Variants in WTIP observed in about 807,000 individuals in gnomAD.
WTIP encodes WT1 interacting protein, also known as Wilms tumor protein 1-interacting protein.
A neutral mutation model predicts 41.7 loss-of-function variants in WTIP; 23 were observed. The observed-to-expected ratio is 0.55, with a 90% CI of 0.40 to 0.78. The LOEUF (loss-of-function observed/expected upper bound fraction) is 0.78. Ranked by LOEUF, WTIP falls within the 30% of genes least tolerant of loss-of-function variation. The pLI is 0.00. For missense variants in WTIP, 619 were observed against 610.5 expected (o/e 1.01, Z -0.15); for synonymous variants, 314 against 269.9 (o/e 1.16, Z -1.60).
At chr19:34,486,129 C>T (rs1464494457) in intron 1 of WTIP, among the ~76,000 whole-genome samples, 1 of 151,918 alleles carries the variant, frequency 6.6e-6, no homozygotes, top group Non-Finnish European at 1.5e-5. Flanking sequence ...CACCGTTTTC[C>T]CTTCACTCTA....
chr19:34,507,715 C>G lies in WTIP; in HGVS notation c.*7446C>G, dbSNP rs1211588909. On this transcript the variant is annotated 3_prime_UTR_variant, in exon 8 of 8. Transcript: ENST00000590071. ...AGGGAGTGAGTCATTGCATTATAGA[C>G]TTGGACTAGGTGGATGCTATTTTTC... is the stretch of plus-strand genomic sequence containing the variant. 1 of 152,258 alleles carries G rather than the reference C, an allele frequency of 6.6e-6. No individual in the cohort carries two copies. The highest frequency in any genetic ancestry group is 2.4e-5 in the African/African-American group (1 of 41,418). The allele number at this position is 152,258 out of a possible 1,614,324, so 9.4% of individuals were successfully genotyped here. A position where few individuals can be genotyped will look rare whatever the true frequency, so the allele number is the denominator to read the frequency against.
chr19:34,484,302 G>A (rs2075786467), intron 1 of WTIP, among the ~76,000 whole-genome samples: 1 of 152,146 alleles, frequency 6.6e-6, no homozygotes, highest in Non-Finnish European at 1.5e-5. Context: ...GGAAGAATGA[G>A]CAGAGGAGGC....
Position 34,507,832 on chromosome 19 carries a change from T to A in WTIP, c.*7563T>A, listed in dbSNP as rs2075918944. 6.6e-6 allele frequency: 1 copy of A among 152,236 alleles called. No individual in the cohort carries two copies. Among genetic ancestry groups the A allele is most frequent in the Admixed American group, 6.5e-5 (1 of 15,282 alleles). The allele number at this position is 152,236 out of a possible 1,614,324, so 9.4% of individuals were successfully genotyped here. A position where few individuals can be genotyped will look rare whatever the true frequency, so the allele number is the denominator to read the frequency against. ...ATGATAAATGATGCACAGATTTCAA[T>A]CCATCCTACGGCTTCAGCCTCCAGT... On this transcript the variant is annotated 3_prime_UTR_variant, in exon 8 of 8. Transcript: ENST00000590071.
In WTIP at chr19:34,509,545, A is replaced by T. The variant is rs1055007963; in HGVS notation, c.*9276A>T. On this transcript the variant is annotated 3_prime_UTR_variant, in exon 8 of 8. Coordinates refer to ENST00000590071, the MANE Select transcript of WTIP (RefSeq NM_001080436.2). ...AGATGAGATTTGGGTGGAGACACAG[A>T]GCCAAACGATATCATTCTGCCCCTG... 2.0e-5 allele frequency: 3 copies of T among 152,182 alleles called. No homozygotes were observed. Among genetic ancestry groups the T allele is most frequent in the African/African-American group, 7.2e-5 (3 of 41,444 alleles). 9.4% of individuals were successfully genotyped at this position (152,182 alleles called of 1,614,324 possible). A position where few individuals can be genotyped will look rare whatever the true frequency, so the allele number is the denominator to read the frequency against.
rs1431768694 is a variant in WTIP, at chr19:34,507,428, A to G, written c.*7159A>G. On this transcript the variant is annotated 3_prime_UTR_variant, in exon 8 of 8. Coordinates refer to ENST00000590071, the MANE Select transcript of WTIP (RefSeq NM_001080436.2). Reference sequence around the variant, plus strand: ...ATGCCCAAAAGAACAAACATAAACCAAAAAAAAAAAAAAAAAAATTCCAGA... The same window carrying G: ...ATGCCCAAAAGAACAAACATAAACCGAAAAAAAAAAAAAAAAAATTCCAGA... 4.1e-5 allele frequency: 2 copies of G among 48,600 alleles called. No homozygotes were observed. The highest frequency in any genetic ancestry group is 4.8e-4 in the African/African-American group (2 of 4,128). The allele number at this position is 48,600 out of a possible 1,614,324, so 3.0% of individuals were successfully genotyped here.
Position 34,481,997 on chromosome 19 carries a change from C to A in WTIP, c.23C>A (p.Ala8Glu). 9.8e-7 allele frequency: 1 copy of A among 1,015,310 alleles called. No homozygotes were observed. The highest frequency in any genetic ancestry group is 1.2e-6 in the Non-Finnish European group (1 of 850,826). 62.9% of individuals were successfully genotyped at this position (1,015,310 alleles called of 1,614,324 possible). MQRSRAG[A>E]DEAALLLAGL... ...GCCATGCAGCGCTCCAGGGCGGGCG[C>A]GGACGAGGCGGCCCTACTCCTGGCC... The change falls in exon 1 of 8, where the codon GCG becomes GAG. Residue 8 changes from alanine to glutamate, a missense_variant. Ala to Glu is a moderately radical substitution (Grantham distance 107). This residue lies in a region of WTIP where 363 missense variants were observed against 309.0 expected (regional missense o/e 1.17). Coordinates refer to ENST00000590071, the MANE Select transcript of WTIP (RefSeq NM_001080436.2).
At chr19:34,489,813 A>C (rs1171203137) in intron 1 of WTIP, among the ~76,000 whole-genome samples, 3 of 152,204 alleles carry the variant, frequency 2.0e-5, no homozygotes, top group African/African-American at 7.2e-5. Flanking sequence ...ATGTGCCAGA[A>C]GTCCTAGCTA....
Position 34,502,421 on chromosome 19 carries a change from ATT to A in WTIP, c.*2171_*2172del, listed in dbSNP as rs35198618. Reference sequence around the variant, plus strand: ...CAGGTGTGCCCCATGACGCCCAGCTATTTTTTTTTTTTTTTTTTTTAAAGACA... The same window carrying A: ...CAGGTGTGCCCCATGACGCCCAGCTATTTTTTTTTTTTTTTTTTAAAGACA... On this transcript the variant is annotated 3_prime_UTR_variant, in exon 8 of 8. Coordinates refer to ENST00000590071, the MANE Select transcript of WTIP (RefSeq NM_001080436.2). The A allele has an allele frequency of 0.045, 5,411 of 118,954 alleles. 233 individuals carry two copies. The highest frequency in any genetic ancestry group is 0.11 in the African/African-American group (3,745 of 33,186). The allele number at this position is 118,954 out of a possible 1,614,324, so 7.4% of individuals were successfully genotyped here.
intron 1 of WTIP, among the ~76,000 whole-genome samples, chr19:34,485,020 A>G (rs2075790524): frequency 6.8e-6 from 1 of 147,128 alleles, no homozygotes; most frequent in African/African-American, 2.5e-5. Flanking sequence ...GACCTTTTTT[A>G]TTTTGTTTTC....
At chr19:34,485,802 C>T (rs1162762868) in intron 1 of WTIP, among the ~76,000 whole-genome samples, 1 of 152,108 alleles carries the variant, frequency 6.6e-6, no homozygotes, top group Non-Finnish European at 1.5e-5. Flanking sequence ...GCTTTGTTGT[C>T]CAGGCTGGTC....
At chr19:34,498,108 G>A (rs2075865019) in intron 7 of WTIP, among the ~76,000 whole-genome samples, 1 of 152,182 alleles carries the variant, frequency 6.6e-6, no homozygotes, top group South Asian at 2.1e-4. Flanking sequence ...AAGGAGTGAT[G>A]TGGTGTCACT....
At chr19:34,489,758 A>G (rs1315342032) in intron 1 of WTIP, among the ~76,000 whole-genome samples, 1 of 152,144 alleles carries the variant, frequency 6.6e-6, no homozygotes, top group Non-Finnish European at 1.5e-5. Context: ...GCAACACAGC[A>G]ATACCCTGTC....
chr19:34,500,362 C>G lies in WTIP; in HGVS notation c.*93C>G, dbSNP rs1407295081. ...CTGGTCAGCGTCAGGGGAGCTCCCT[C>G]CAATCAGTTTCCCACCGAGCTGCTG... is the stretch of plus-strand genomic sequence containing the variant. On this transcript the variant is annotated 3_prime_UTR_variant, in exon 8 of 8. Coordinates refer to ENST00000590071, the MANE Select transcript of WTIP (RefSeq NM_001080436.2). 6 of 1,397,904 alleles carry G rather than the reference C, an allele frequency of 4.3e-6. No homozygotes were observed. Among genetic ancestry groups the G allele is most frequent in the Non-Finnish European group, 5.6e-6 (6 of 1,066,034 alleles). The allele number at this position is 1,397,904 out of a possible 1,614,324, so 86.6% of individuals were successfully genotyped here. A position where few individuals can be genotyped will look rare whatever the true frequency, so the allele number is the denominator to read the frequency against.
chr19:34,484,371 G>C (rs1161183369), intron 1 of WTIP, among the ~76,000 whole-genome samples: 1 of 152,168 alleles, frequency 6.6e-6, no homozygotes, highest in Non-Finnish European at 1.5e-5. Context: ...AGAGGGCTCA[G>C]GTGGTCGAGG....
rs903630503 is a variant in WTIP, at chr19:34,497,387, T to C, written c.1152+1616T>C. Among the ~76,000 whole-genome samples, 9 of 152,262 alleles carry C rather than the reference T, an allele frequency of 5.9e-5. No individual in the cohort carries two copies. In the East Asian group the frequency reaches 1.7e-3, roughly 29 times the overall value. ...CACTGTCATCTGTTTAGCCTGTTGC[T>C]CTCGTTGTTAAAGGTGGGAGGGGAA... On this transcript the variant is annotated intron_variant, in intron 7 of 7. Transcript: ENST00000590071.
At position 34,504,761 on chromosome 19, in the gene WTIP, G is replaced by A. The variant is rs1200842995; in HGVS notation, c.*4492G>A. On this transcript the variant is annotated 3_prime_UTR_variant, in exon 8 of 8. Transcript: ENST00000590071. ...TCCCTCCCACCCAGCCCCACCCTGA[G>A]GCTGGTCTCTAGCTCGTGAGCAGAG... 1 of 151,596 alleles carries A rather than the reference G, an allele frequency of 6.6e-6. No individual in the cohort carries two copies. Among genetic ancestry groups the A allele is most frequent in the Non-Finnish European group, 1.5e-5 (1 of 67,984 alleles). 9.4% of individuals were successfully genotyped at this position (151,596 alleles called of 1,614,324 possible). A position where few individuals can be genotyped will look rare whatever the true frequency, so the allele number is the denominator to read the frequency against.
In WTIP at chr19:34,482,440, T is replaced by C; in HGVS notation, c.466T>C (p.Tyr156His). ...CGGCTCCCGGGGCTCGGCCGGCGCC[T>C]ACGCTGACTTCCTCCCGCCCGGCGC... ...SLGSRGSAGA[Y>H]ADFLPPGACP... The change falls in exon 1 of 8, where the codon TAC (tyrosine) becomes CAC (histidine). Residue 156 changes from tyrosine to histidine, a missense_variant. Transcript: ENST00000590071. 7.6e-7 allele frequency: 1 copy of C among 1,313,992 alleles called. No homozygotes were observed. The highest frequency in any genetic ancestry group is 9.7e-7 in the Non-Finnish European group (1 of 1,031,346). 81.4% of individuals were successfully genotyped at this position (1,313,992 alleles called of 1,614,324 possible).
chr19:34,499,076 A>G (rs1020244086), intron 7 of WTIP, among the ~76,000 whole-genome samples: 3 of 150,836 alleles, frequency 2.0e-5, no homozygotes, highest in African/African-American at 7.3e-5. Context: ...TTAGCCGGGC[A>G]TGGTGGCACA....
chr19:34,484,043 C>T (rs996347229), intron 1 of WTIP, among the ~76,000 whole-genome samples: 5 of 150,530 alleles, frequency 3.3e-5, no homozygotes, highest in South Asian at 2.1e-4. Context: ...TCTCCTGCCT[C>T]AGCCTCCCCA....
Sources: gnomAD v4.1 joint callset for allele counts (sites outside exome capture counted in the v4.1 genomes callset) on GRCh38, gnomAD v4.1.1 for gene constraint, gnomAD v4.1.1 regional missense constraint, MANE v1.5 for transcripts, NCBI Gene and HGNC (gene_info 2026-07-23, HGNC 2026-07-21) for gene names.